The following NFASC variants were observed in gnomAD, a reference collection of about 807,000 sequenced individuals.
The protein encoded by NFASC is neurofascin homolog.
A neutral mutation model predicts 147.5 loss-of-function variants in NFASC; 43 were observed. The ratio of observed to expected loss-of-function variants is 0.29; its 90% CI spans 0.23 to 0.38. NFASC has a LOEUF of 0.38. NFASC is among the 10% of genes least tolerant of loss of function. The pLI is 1.00. For synonymous variants in NFASC, 622 were observed against 665.5 expected (o/e 0.93, Z 1.01); for missense variants, 1,320 against 1,689.0 (o/e 0.78, Z 3.83).
intron 27 of NFASC, among the ~76,000 whole-genome samples, chr1:205,004,753 C>T (rs1375599): frequency 0.52 from 79,610 of 152,092 alleles, 21,645 homozygotes; most frequent in Middle Eastern, 0.61. Flanking sequence ...CCACTGGTCA[C>T]TTAGACAACC....
intron 1 of NFASC, among the ~76,000 whole-genome samples, chr1:204,904,002 TG>T (rs1433028603): frequency 6.6e-6 from 1 of 151,886 alleles, no homozygotes; most frequent in African/African-American, 2.4e-5. Flanking sequence ...AACCTGGGTT[TG>T]ATTTTGGCTT....
In NFASC at chr1:204,979,299, CT is replaced by C; in HGVS notation, c.1979-59del. The C allele has an allele frequency of 2.3e-6, 3 of 1,328,256 alleles. No individual in the cohort carries two copies. The highest frequency in any genetic ancestry group is 3.3e-6 in the Non-Finnish European group (3 of 920,238). The allele number at this position is 1,328,256 out of a possible 1,614,324, so 82.3% of individuals were successfully genotyped here. On this transcript the variant is annotated intron_variant, in intron 18 of 29. Transcript: ENST00000339876. This position sits in a 1 kb window ranked among gnomAD's most constrained non-coding sequence, Gnocchi z 6.0. ...ATCAATGGAAGCCAAGAAGGAAGTG[CT>C]TTTAAAGAAGACCACTGCTAACTGA... is the stretch of plus-strand genomic sequence containing the variant.
chr1:204,944,472 G>GGGGTGGC, intron 3 of NFASC, 66 bp downstream of exon 3: 1 of 402,576 alleles, frequency 2.5e-6, no homozygotes. Context: ...GGAGGGGAGG[G>GGGGTGGC]AAGGTCAGAG....
chr1:205,007,812 G>T (rs192416539), intron 27 of NFASC, among the ~76,000 whole-genome samples: 1 of 152,304 alleles, frequency 6.6e-6, no homozygotes, highest in Admixed American at 6.5e-5. Flanking sequence ...CTCTGATGGA[G>T]CCCGACAGGT....
At chr1:204,953,586 G>A (rs182812177) in intron 5 of NFASC, among the ~76,000 whole-genome samples, 32 of 152,274 alleles carry the variant, frequency 2.1e-4, no homozygotes, top group Admixed American at 5.2e-4. Flanking sequence ...GTGAGCCACC[G>A]CGCCCGGCCA....
At chr1:204,956,204 G>C (rs1240528215) in intron 7 of NFASC, among the ~76,000 whole-genome samples, 1 of 152,104 alleles carries the variant, frequency 6.6e-6, no homozygotes, top group African/African-American at 2.4e-5. Context: ...TCCATAACAG[G>C]CCTCCCTGGT....
At chr1:204,898,287 C>A (rs896793489) in intron 1 of NFASC, among the ~76,000 whole-genome samples, 1 of 152,102 alleles carries the variant, frequency 6.6e-6, no homozygotes, top group African/African-American at 2.4e-5. Context: ...ATTTGAAGAA[C>A]CTTATAATAA....
At chr1:204,836,594 C>G (rs1275775018) in intron 1 of NFASC, among the ~76,000 whole-genome samples, 1 of 152,200 alleles carries the variant, frequency 6.6e-6, no homozygotes, top group African/African-American at 2.4e-5. Flanking sequence ...CAGGTGTTGG[C>G]TGACCTATAT....
intron 1 of NFASC, among the ~76,000 whole-genome samples, chr1:204,833,389 C>A (rs1467558013): frequency 2.0e-5 from 3 of 152,140 alleles, no homozygotes; most frequent in Admixed American, 2.0e-4. Context: ...AGAATCTAAA[C>A]CTTTATTTGT....
chr1:205,002,492 C>T, intron 26 of NFASC, 104 bp from the exon 27 acceptor site: 1 of 979,644 alleles, frequency 1.0e-6, no homozygotes, highest in Admixed American at 3.5e-5. Flanking sequence ...TTCCCTGGTC[C>T]CTTCCCCCAC....
chr1:204,994,526 C>T (rs1473819404), intron 24 of NFASC, among the ~76,000 whole-genome samples: 1 of 152,140 alleles, frequency 6.6e-6, no homozygotes, highest in Non-Finnish European at 1.5e-5. Flanking sequence ...GAGTGTAAAG[C>T]TTTGGGGAAG....
intron 24 of NFASC, among the ~76,000 whole-genome samples, chr1:204,996,837 C>T (rs1486634449): frequency 6.6e-6 from 1 of 152,156 alleles, no homozygotes. Flanking sequence ...TGGCCTGGGG[C>T]TCCATGCCAT....
intron 25 of NFASC, chr1:204,998,964 TCA>T (rs1342619313): frequency 3.8e-4 from 58 of 152,224 alleles, no homozygotes; most frequent in African/African-American, 1.3e-3. Flanking sequence ...GGAACACCCC[TCA>T]ACCATCCTCA....
At chr1:204,984,329 A>ATG (rs1350507818) in intron 21 of NFASC, 6 of 431,860 alleles carry the variant, frequency 1.4e-5, no homozygotes, top group Admixed American at 4.0e-5. Flanking sequence ...AATTATATAT[A>ATG]TATGTGTGTG....
chr1:204,944,833 C>A (rs527411628), intron 3 of NFASC: 1 of 166,090 alleles, frequency 6.0e-6, no homozygotes, highest in African/African-American at 2.4e-5. Context: ...ATATTCAAAT[C>A]CACACCCTTC....
chr1:204,980,514 C>T (rs1233042350), intron 20 of NFASC, 74 bp downstream of exon 20: 4 of 1,106,500 alleles, frequency 3.6e-6, no homozygotes, highest in Admixed American at 2.0e-5. Flanking sequence ...CCCTTGATGC[C>T]CCGACACTAC....
chr1:205,001,901 C>T (rs1334188941), intron 26 of NFASC, among the ~76,000 whole-genome samples: 1 of 152,192 alleles, frequency 6.6e-6, no homozygotes, highest in Non-Finnish European at 1.5e-5. Flanking sequence ...AGTATGTGCT[C>T]TAAGCAATTA....
chr1:204,970,521 CAG>C (rs2095201317), intron 10 of NFASC, 93 bp from the exon 11 acceptor site: 2 of 1,454,764 alleles, frequency 1.4e-6, no homozygotes, highest in Admixed American at 3.5e-5. Context: ...TGCTGGGACT[CAG>C]GGGCTCCTGC....
In NFASC at chr1:204,931,404, A is replaced by AT. The variant is rs974432780; in HGVS notation, c.-91+10671dup. ...CAGCTGTAGTGATAAGCCCTGCTAC[A>AT]TTTTTTTATCCCAATGCAGAATGGC... On this transcript the variant is annotated intron_variant, in intron 2 of 29. Transcript: ENST00000339876. Among the ~76,000 whole-genome samples, 10 of 152,244 alleles carry AT rather than the reference A, an allele frequency of 6.6e-5. 1 individual carries two copies. The South Asian group carries it at 1.9e-3, about 28-fold the overall frequency.
Sources: allele counts gnomAD v4.1 joint callset (sites outside exome capture counted in the v4.1 genomes callset), GRCh38; gene constraint gnomAD v4.1.1; non-coding constraint Gnocchi (gnomAD v3.1); transcripts MANE v1.5; gene names NCBI Gene and HGNC (gene_info 2026-07-23, HGNC 2026-07-21).